Variants in SYNPR observed in about 807,000 individuals in gnomAD.
SYNPR encodes the protein synaptoporin.
SYNPR carries 23 observed loss-of-function variants against 32.9 expected under a neutral mutation model. That is an observed-to-expected ratio of 0.70 (90% CI 0.50 to 0.99). SYNPR has a LOEUF of 0.99. Among genes scored for constraint, SYNPR ranks in the 50% least tolerant of loss-of-function variants. SYNPR has a pLI of 0.00. For missense variants in SYNPR, 318 were observed against 349.3 expected, an observed-to-expected ratio of 0.91 and a Z score of 0.71; for synonymous variants, 146 against 135.9, an observed-to-expected ratio of 1.07 and a Z score of -0.52.
At chr3:63,522,561 C>T (rs1380818653) in intron 3 of SYNPR, among the ~76,000 whole-genome samples, 5 of 151,876 alleles carry the variant, frequency 3.3e-5, no homozygotes, top group Non-Finnish European at 7.4e-5. Context: ...GGCTTTTAAA[C>T]AAATCCAGGC....
the SYNPR span, among the ~76,000 whole-genome samples, chr3:63,200,685 G>T: frequency 2.0e-5 from 3 of 151,912 alleles, no homozygotes; most frequent in Non-Finnish European, 2.9e-5. Flanking sequence ...ATAGACTGGT[G>T]TTTCTCTTTT....
intron 3 of SYNPR, among the ~76,000 whole-genome samples, chr3:63,538,009 T>C (rs569374217): frequency 6.6e-6 from 1 of 152,152 alleles, no homozygotes; most frequent in Admixed American, 6.6e-5. Flanking sequence ...ATACAGCCTC[T>C]GGTGGATAAA....
chr3:63,355,601 G>T (rs1294340188), intron 2 of SYNPR, among the ~76,000 whole-genome samples: 5 of 152,090 alleles, frequency 3.3e-5, no homozygotes, highest in African/African-American at 1.2e-4. Context: ...AATCTTAAAG[G>T]TTCTGAATCT....
At chr3:63,317,264 T>C (rs2087053222) in intron 2 of SYNPR, among the ~76,000 whole-genome samples, 1 of 151,968 alleles carries the variant, frequency 6.6e-6, no homozygotes, top group Non-Finnish European at 1.5e-5. Flanking sequence ...TTCCAAGGTG[T>C]AGTTTAAATC....
Position 63,261,565 on chromosome 3 carries a change from A to G in SYNPR, n.155-5752A>G, listed in dbSNP as rs1184630234. 4.0e-3 allele frequency among the ~76,000 whole-genome samples: 302 copies of G among 75,294 alleles called. No individual in the cohort carries two copies. The Middle Eastern group carries it at 0.061, about 15-fold the overall frequency. The allele number at this position is 75,294 out of a possible 152,430, so 49.4% of individuals were successfully genotyped here. Reference sequence around the variant, plus strand: ...GGAACATCACACTCTGGGGACTGTCATGGGGTGGGGGGAGGGGGGAGGGAT... The same window carrying G: ...GGAACATCACACTCTGGGGACTGTCGTGGGGTGGGGGGAGGGGGGAGGGAT... On this transcript the variant is annotated intron_variant and non_coding_transcript_variant, in intron 2 of 4. Transcript: ENST00000478456.
chr3:63,495,867 A>G (rs1380864187), intron 3 of SYNPR, among the ~76,000 whole-genome samples: 3 of 152,134 alleles, frequency 2.0e-5, no homozygotes, highest in African/African-American at 7.2e-5. Context: ...GTATAATACT[A>G]TAATGATGGA....
At chr3:63,494,407 A>ATATATACGTATATATATATATACG (rs1701319867) in intron 3 of SYNPR, among the ~76,000 whole-genome samples, 2 of 114,614 alleles carry the variant, frequency 1.7e-5, no homozygotes, top group African/African-American at 8.1e-5. Context: ...ATATATATAT[A>ATATATACGTATATATATATATACG]TATATATATA....
At chr3:63,534,387 C>T (rs1055337568) in intron 3 of SYNPR, among the ~76,000 whole-genome samples, 1 of 152,102 alleles carries the variant, frequency 6.6e-6, no homozygotes, top group Non-Finnish European at 1.5e-5. Context: ...TGTAGAAGTT[C>T]TAGAAATTAC....
At chr3:63,346,753 G>A (rs529930685) in intron 2 of SYNPR, among the ~76,000 whole-genome samples, 18 of 152,276 alleles carry the variant, frequency 1.2e-4, no homozygotes, top group African/African-American at 3.6e-4. Flanking sequence ...TTACAGGCAT[G>A]AGCCACCACA....
At chr3:63,543,370 A>C (rs951689144) in intron 3 of SYNPR, among the ~76,000 whole-genome samples, 1 of 152,124 alleles carries the variant, frequency 6.6e-6, no homozygotes, top group Admixed American at 6.6e-5. Context: ...TATTTGTAGC[A>C]TATAGTCACA....
intron 5 of SYNPR, among the ~76,000 whole-genome samples, chr3:63,611,498 A>T (rs1378895629): frequency 1.3e-5 from 2 of 152,180 alleles, no homozygotes; most frequent in African/African-American, 4.8e-5. Flanking sequence ...TTATGCAAAA[A>T]CTGAAAATAG....
chr3:63,558,989 T>C (rs987070496), intron 4 of SYNPR, among the ~76,000 whole-genome samples: 1 of 151,994 alleles, frequency 6.6e-6, no homozygotes, highest in African/African-American at 2.4e-5. Context: ...ATCTGTTCAT[T>C]ATAACAGAAT....
intron 3 of SYNPR, among the ~76,000 whole-genome samples, chr3:63,531,457 C>A (rs756777751): frequency 6.6e-6 from 1 of 152,132 alleles, no homozygotes; most frequent in Non-Finnish European, 1.5e-5. Context: ...TGATACTCCC[C>A]CTGTGTGTCT....
intron 4 of SYNPR, among the ~76,000 whole-genome samples, chr3:63,596,174 C>T (rs1017163867): frequency 6.6e-6 from 1 of 150,636 alleles, no homozygotes; most frequent in African/African-American, 2.4e-5. Flanking sequence ...CAGACACTGC[C>T]GCTGCCTCCT....
upstream of SYNPR, among the ~76,000 whole-genome samples, chr3:63,277,195 G>A (rs116762243): frequency 2.7e-3 from 409 of 152,170 alleles, 2 homozygotes; most frequent in Non-Finnish European, 4.6e-3. Flanking sequence ...ACCTTGGGCA[G>A]GCCACTATCC....
At chr3:63,610,858 A>C (rs1298885774) in intron 5 of SYNPR, among the ~76,000 whole-genome samples, 2 of 152,226 alleles carry the variant, frequency 1.3e-5, no homozygotes, top group African/African-American at 4.8e-5. Context: ...TTTTAGACTA[A>C]AAGATGGAAA....
At chr3:63,476,142 GAAGGAA>G (rs1700903180) in intron 2 of SYNPR, among the ~76,000 whole-genome samples, 1 of 35,034 alleles carries the variant, frequency 2.9e-5, no homozygotes, top group African/African-American at 1.9e-4. Flanking sequence ...AGGAAGGAAG[GAAGGAA>G]GGGAGGGAGG....
At chr3:63,611,011 T>C (rs1196725701) in intron 5 of SYNPR, among the ~76,000 whole-genome samples, 1 of 152,214 alleles carries the variant, frequency 6.6e-6, no homozygotes, top group Non-Finnish European at 1.5e-5. Flanking sequence ...TTCTAGTTCC[T>C]AGTGACAGAA....
intron 2 of SYNPR, among the ~76,000 whole-genome samples, chr3:63,464,317 G>T (rs1179514889): frequency 6.6e-6 from 1 of 152,148 alleles, no homozygotes; most frequent in Non-Finnish European, 1.5e-5. Context: ...CTGTATGGGG[G>T]TTGCAGAGAT....
Sources: gnomAD v4.1 joint callset for allele counts (sites outside exome capture counted in the v4.1 genomes callset) on GRCh38, gnomAD v4.1.1 for gene constraint, MANE v1.5 for transcripts, NCBI Gene and HGNC (gene_info 2026-07-23, HGNC 2026-07-21) for gene names.